Variants in CTNNA2 observed in about 807,000 individuals in gnomAD.
CTNNA2 encodes catenin alpha 2.
Under a neutral mutation model 101.0 loss-of-function variants are expected in CTNNA2, and 42 were observed. The ratio of observed to expected loss-of-function variants is 0.42; its 90% CI spans 0.32 to 0.54. The LOEUF (loss-of-function observed/expected upper bound fraction) is 0.54. Ranked by LOEUF, CTNNA2 falls within the 20% of genes least tolerant of loss-of-function variation. CTNNA2 has a pLI of 0.14. For synonymous variants in CTNNA2, 450 were observed against 456.4 expected, an observed-to-expected ratio of 0.99 and a Z score of 0.18; for missense variants, 871 against 1,223.1, an observed-to-expected ratio of 0.71 and a Z score of 4.29.
intron 2 of CTNNA2, among the ~76,000 whole-genome samples, chr2:79,213,272 A>C (rs1390338111): frequency 6.6e-6 from 1 of 152,172 alleles, no homozygotes; most frequent in Admixed American, 6.5e-5. Context: ...CTTTGCAGTG[A>C]ATGACTCCAG....
intron 7 of CTNNA2, among the ~76,000 whole-genome samples, chr2:79,916,929 G>GT (rs1403138841): frequency 6.6e-6 from 1 of 151,204 alleles, no homozygotes; most frequent in East Asian, 2.0e-4. Context: ...AGCTTTTTTT[G>GT]TTTTTTGTTT....
chr2:79,482,601 A>C (rs1671120904), intron 4 of CTNNA2, among the ~76,000 whole-genome samples: 1 of 152,158 alleles, frequency 6.6e-6, no homozygotes. Flanking sequence ...TGAGAGCATC[A>C]TATTGTTCCA....
At chr2:80,297,107 T>G (rs1373862252) in intron 7 of CTNNA2, among the ~76,000 whole-genome samples, 1 of 152,314 alleles carries the variant, frequency 6.6e-6, no homozygotes, top group East Asian at 1.9e-4. Context: ...CATTGCCCAA[T>G]TACCAGTGAC....
chr2:80,431,757 G>T (rs745728432), intron 9 of CTNNA2, among the ~76,000 whole-genome samples: 2 of 152,152 alleles, frequency 1.3e-5, no homozygotes, highest in Admixed American at 6.5e-5. Context: ...CTCTTAATCA[G>T]CTTGGTCATT....
At chr2:79,570,563 C>G (rs1174433349) in intron 1 of CTNNA2, among the ~76,000 whole-genome samples, 3 of 151,856 alleles carry the variant, frequency 2.0e-5, no homozygotes, top group African/African-American at 7.3e-5. Context: ...GTATATCACA[C>G]TAGGAATAAT....
intron 7 of CTNNA2, among the ~76,000 whole-genome samples, chr2:80,175,866 G>A (rs182423370): frequency 6.6e-6 from 1 of 152,308 alleles, no homozygotes; most frequent in East Asian, 1.9e-4. Flanking sequence ...GAAGAACTTG[G>A]AGTTCAATGT....
chr2:79,665,312 T>C (rs1682337512), intron 2 of CTNNA2, among the ~76,000 whole-genome samples: 1 of 152,180 alleles, frequency 6.6e-6, no homozygotes, highest in Non-Finnish European at 1.5e-5. Context: ...TATCTCACAG[T>C]GTTTTGATTC....
At chr2:79,860,085 A>C (rs1031161729) in intron 4 of CTNNA2, among the ~76,000 whole-genome samples, 1 of 152,094 alleles carries the variant, frequency 6.6e-6, no homozygotes, top group African/African-American at 2.4e-5. Context: ...TGTTATATCC[A>C]TCTTTTCAGT....
intron 14 of CTNNA2, among the ~76,000 whole-genome samples, chr2:80,583,644 C>CAAAGACAAA (rs1413661758): frequency 2.6e-5 from 4 of 152,154 alleles, no homozygotes; most frequent in Admixed American, 1.3e-4. Context: ...ACAGGTTGTA[C>CAAAGACAAA]AACTCATCTT....
At chr2:79,333,139 G>A (rs1676913600) in intron 3 of CTNNA2, among the ~76,000 whole-genome samples, 1 of 152,082 alleles carries the variant, frequency 6.6e-6, no homozygotes, top group Non-Finnish European at 1.5e-5. Context: ...GTTATACAGG[G>A]AGCAAACATT....
intron 3 of CTNNA2, among the ~76,000 whole-genome samples, chr2:79,758,173 CATAAAG>C (rs544201621): frequency 7.2e-5 from 11 of 152,236 alleles, no homozygotes; most frequent in Admixed American, 7.2e-4. Context: ...TACGTTAACA[CATAAAG>C]ATAAAGAAAC....
chr2:79,958,653 T>A (rs747922), intron 7 of CTNNA2, among the ~76,000 whole-genome samples: 51,472 of 152,094 alleles, frequency 0.34, 9,700 homozygotes, highest in Non-Finnish European at 0.42. Flanking sequence ...GACCCATGTC[T>A]TATAGACCTG....
intron 3 of CTNNA2, among the ~76,000 whole-genome samples, chr2:79,829,106 T>A (rs1313020685): frequency 1.3e-5 from 2 of 152,176 alleles, no homozygotes; most frequent in Non-Finnish European, 2.9e-5. Context: ...AGTTGAGATC[T>A]GACCACTTGA....
intron 7 of CTNNA2, among the ~76,000 whole-genome samples, chr2:80,218,100 G>A (rs967093188): frequency 3.9e-5 from 6 of 152,214 alleles, no homozygotes; most frequent in African/African-American, 1.2e-4. Context: ...ACTTGGGGAT[G>A]AGCTGAAAGG....
intron 3 of CTNNA2, among the ~76,000 whole-genome samples, chr2:79,356,674 A>G (rs1178163482): frequency 6.6e-6 from 1 of 152,204 alleles, no homozygotes; most frequent in African/African-American, 2.4e-5. Context: ...CTAATTGGCT[A>G]AAGTGAACAG....
At chr2:79,400,754 A>T (rs1326340300) in intron 4 of CTNNA2, among the ~76,000 whole-genome samples, 3 of 151,966 alleles carry the variant, frequency 2.0e-5, no homozygotes, top group Non-Finnish European at 4.4e-5. Flanking sequence ...ATGGTCAAAA[A>T]CTTACCAAAT....
At chr2:80,505,751 T>C (rs528518675) in intron 9 of CTNNA2, among the ~76,000 whole-genome samples, 1 of 152,246 alleles carries the variant, frequency 6.6e-6, no homozygotes, top group Non-Finnish European at 1.5e-5. Context: ...ACTTTGCAGA[T>C]ACCTTGTTAA....
intron 12 of CTNNA2, among the ~76,000 whole-genome samples, chr2:80,561,309 T>G (rs1047989786): frequency 2.6e-5 from 4 of 152,214 alleles, no homozygotes; most frequent in Admixed American, 2.6e-4. Flanking sequence ...GAAAGAAGCC[T>G]CATCCAGTAA....
chr2:79,399,511 A>G (rs1678267995), intron 4 of CTNNA2, among the ~76,000 whole-genome samples: 1 of 152,140 alleles, frequency 6.6e-6, no homozygotes, highest in Non-Finnish European at 1.5e-5. Flanking sequence ...TAACTGACCA[A>G]GAAGGTAACC....
Sources: allele counts gnomAD v4.1 joint callset (sites outside exome capture counted in the v4.1 genomes callset), GRCh38; gene constraint gnomAD v4.1.1; transcripts MANE v1.5; gene names NCBI Gene and HGNC (gene_info 2026-07-23, HGNC 2026-07-21).